ATXN1: variants seen among roughly 807,000 people sequenced by gnomAD.
ATXN1 encodes the protein ataxin-1.
ATXN1 carries 8 observed loss-of-function variants against 56.4 expected under a neutral mutation model. The ratio of observed to expected loss-of-function variants is 0.14; its 90% CI spans 0.08 to 0.26. ATXN1 has a LOEUF of 0.26. Ranked by LOEUF, ATXN1 falls within the 10% of genes least tolerant of loss-of-function variation. ATXN1 has a pLI of 1.00. For synonymous variants in ATXN1, 514 were observed against 494.6 expected, an observed-to-expected ratio of 1.04 and a Z score of -0.52; for missense variants, 987 against 1,106.5, an observed-to-expected ratio of 0.89 and a Z score of 1.53.
At chr6:16,708,512 C>T (rs2113450451) in intron 2 of ATXN1, among the ~76,000 whole-genome samples, 1 of 152,274 alleles carries the variant, frequency 6.6e-6, no homozygotes, top group African/African-American at 2.4e-5. Context: ...GCAATTAAAA[C>T]ATAAGGGCTC....
At chr6:16,577,937 C>T (rs1170765011) in intron 4 of ATXN1, among the ~76,000 whole-genome samples, 1 of 152,140 alleles carries the variant, frequency 6.6e-6, no homozygotes, top group Non-Finnish European at 1.5e-5. Flanking sequence ...GGAAAAAACC[C>T]TCAGATTTTG....
intron 6 of ATXN1, among the ~76,000 whole-genome samples, chr6:16,366,917 G>A (rs1285144170): frequency 6.6e-6 from 1 of 152,058 alleles, no homozygotes; most frequent in Non-Finnish European, 1.5e-5. Context: ...TATGAAATGG[G>A]GAACTTAAAA....
At chr6:16,517,721 T>G (rs1241887758) in intron 5 of ATXN1, among the ~76,000 whole-genome samples, 1 of 152,204 alleles carries the variant, frequency 6.6e-6, no homozygotes, top group African/African-American at 2.4e-5. Flanking sequence ...TACAGGTATG[T>G]AGGTGCACAC....
chr6:16,332,559 T>C (rs894796044), intron 6 of ATXN1, among the ~76,000 whole-genome samples: 1 of 152,112 alleles, frequency 6.6e-6, no homozygotes, highest in African/African-American at 2.4e-5. Context: ...AACAAAAAGA[T>C]TTCTTCCAAA....
intron 7 of ATXN1, among the ~76,000 whole-genome samples, chr6:16,311,638 A>G (rs116358652): frequency 6.6e-6 from 1 of 152,362 alleles, no homozygotes; most frequent in African/African-American, 2.4e-5. Context: ...AGACAAATAT[A>G]CTTACAAGTG....
intron 1 of ATXN1, among the ~76,000 whole-genome samples, chr6:16,756,442 CAG>C (rs1178066293): frequency 3.3e-5 from 5 of 152,096 alleles, no homozygotes; most frequent in Non-Finnish European, 5.9e-5. Flanking sequence ...GGTCCTAAAA[CAG>C]AAATTATTAT....
intron 5 of ATXN1, among the ~76,000 whole-genome samples, chr6:16,521,489 C>T (rs1159485021): frequency 2.0e-5 from 3 of 152,174 alleles, no homozygotes; most frequent in Admixed American, 6.5e-5. Context: ...ACCCGGGAGG[C>T]GGAGCTTGCA....
At chr6:16,600,740 T>C (rs1296510047) in intron 3 of ATXN1, among the ~76,000 whole-genome samples, 1 of 152,210 alleles carries the variant, frequency 6.6e-6, no homozygotes, top group East Asian at 1.9e-4. Context: ...TTGGAATAAA[T>C]GAATGAAAGA....
intron 7 of ATXN1, among the ~76,000 whole-genome samples, chr6:16,318,038 A>C (rs1760556150): frequency 1.3e-5 from 2 of 152,238 alleles, no homozygotes; most frequent in Non-Finnish European, 1.5e-5. Context: ...GTCAATAACT[A>C]CTATATCTAA....
At chr6:16,487,901 C>T (rs1760582152) in intron 5 of ATXN1, among the ~76,000 whole-genome samples, 1 of 152,066 alleles carries the variant, frequency 6.6e-6, no homozygotes, top group South Asian at 2.1e-4. Flanking sequence ...CATCAGGTTT[C>T]CAGGTAGAGG....
rs1450733946 is a variant in ATXN1 at position 16,585,853 on chromosome 6, T to C, written c.-434A>G. 1 of 152,206 alleles carries C rather than the reference T, an allele frequency of 6.6e-6. No individual in the cohort carries two copies. Among genetic ancestry groups the C allele is most frequent in the Non-Finnish European group, 1.5e-5 (1 of 68,026 alleles). The allele number at this position is 152,206 out of a possible 1,614,324, so 9.4% of individuals were successfully genotyped here. The stretch of plus-strand genomic sequence containing the variant: ...CTTGCAGCAGATCTTTTCACGAAGA[T>C]TTTGCTTGAGTAGAAAGGGTGGCAG... On this transcript the variant is annotated 5_prime_UTR_variant, in exon 4 of 8. Transcript: ENST00000436367.
At chr6:16,555,612 G>A (rs997722639) in intron 4 of ATXN1, among the ~76,000 whole-genome samples, 1 of 152,174 alleles carries the variant, frequency 6.6e-6, no homozygotes, top group Non-Finnish European at 1.5e-5. Flanking sequence ...CACCTCTGCA[G>A]GCCAGGGGTG....
intron 2 of ATXN1, among the ~76,000 whole-genome samples, chr6:16,723,415 C>G (rs565759807): frequency 6.6e-6 from 1 of 152,236 alleles, no homozygotes; most frequent in Admixed American, 6.5e-5. Context: ...TACTATAAAT[C>G]AACTATAAAA....
chr6:16,714,188 CACACACACA>C (rs761298275), intron 2 of ATXN1, among the ~76,000 whole-genome samples: 24,518 of 123,706 alleles, frequency 0.2, 2,265 homozygotes, highest in Middle Eastern at 0.27. Flanking sequence ...ACACCACACA[CACACACACA>C]CACACACACA....
rs536086358 is a variant in ATXN1 at position 16,728,724 on chromosome 6, T to C, written c.-615+24509A>G. Among the ~76,000 whole-genome samples the C allele has an allele frequency of 4.6e-5, 7 of 152,294 alleles. No homozygotes were observed. The South Asian group carries it at 1.5e-3, about 32-fold the overall frequency. ...TCAGATGAAGAAACTGAGGCACAGA[T>C]AGGTTCAGGGACTTGGCCAAGGTGG... On this transcript the variant is annotated intron_variant, in intron 2 of 7. Transcript: ENST00000436367.
chr6:16,542,974 G>A (rs1242754173), intron 4 of ATXN1, among the ~76,000 whole-genome samples: 2 of 151,374 alleles, frequency 1.3e-5, no homozygotes, highest in African/African-American at 2.4e-5. Flanking sequence ...TTGACTGTGG[G>A]TAATTGAAAC....
At chr6:16,732,917 C>A (rs1760023312) in intron 2 of ATXN1, among the ~76,000 whole-genome samples, 1 of 152,208 alleles carries the variant, frequency 6.6e-6, no homozygotes, top group African/African-American at 2.4e-5. Context: ...TAAATTGCCA[C>A]CTCCATCTAC....
At chr6:16,520,719 T>C (rs900747125) in intron 5 of ATXN1, among the ~76,000 whole-genome samples, 1 of 152,222 alleles carries the variant, frequency 6.6e-6, no homozygotes, top group African/African-American at 2.4e-5. Flanking sequence ...ATAAACTTTT[T>C]GGGCTTTTCT....
intron 6 of ATXN1, among the ~76,000 whole-genome samples, chr6:16,414,161 T>C (rs907732528): frequency 5.3e-5 from 8 of 152,194 alleles, no homozygotes; most frequent in Non-Finnish European, 1.2e-4. Context: ...TCACGCCAGC[T>C]CTCACCTATA....
Sources: allele counts gnomAD v4.1 joint callset (sites outside exome capture counted in the v4.1 genomes callset), GRCh38; gene constraint gnomAD v4.1.1; transcripts MANE v1.5; gene names NCBI Gene and HGNC (gene_info 2026-07-23, HGNC 2026-07-21).